Variants in CC2D2B observed in about 807,000 individuals in gnomAD.
The protein encoded by CC2D2B is coiled-coil and C2 domain containing 2B, also known as protein CC2D2B.
CC2D2B carries 128 observed loss-of-function variants against 161.2 expected under a neutral mutation model. That is an observed-to-expected ratio of 0.79 (90% CI 0.69 to 0.92). The LOEUF is 0.92. Ranked by LOEUF, CC2D2B falls within the 40% of genes least tolerant of loss-of-function variation. The pLI, the probability that CC2D2B is intolerant of heterozygous loss-of-function variation, is 0.00. For missense variants in CC2D2B, 1,173 were observed against 1,375.1 expected (o/e 0.85, Z 2.32); for synonymous variants, 391 against 449.8 (o/e 0.87, Z 1.65).
At chr10:95,990,958 A>T (rs2077930496) in intron 20 of CC2D2B, among the ~76,000 whole-genome samples, 1 of 152,240 alleles carries the variant, frequency 6.6e-6, no homozygotes, top group African/African-American at 2.4e-5. Flanking sequence ...AAATACAGAA[A>T]TGGGATCAAA....
At chr10:96,020,060 G>T (rs887661902) in intron 32 of CC2D2B, 9 of 390,726 alleles carry the variant, frequency 2.3e-5, no homozygotes, top group East Asian at 1.1e-4. Context: ...TGCTAAAATA[G>T]AATTTAAAAT....
chr10:96,019,987 C>CT (rs1260490680), intron 32 of CC2D2B, 163 bp downstream of exon 32: 1 of 537,006 alleles, frequency 1.9e-6, no homozygotes, highest in Non-Finnish European at 3.2e-6. Context: ...CTCACAGGCT[C>CT]TTTCCCCTAC....
At chr10:96,003,021 A>AATATATATATATATATATATATAT (rs57187442) in intron 24 of CC2D2B, among the ~76,000 whole-genome samples, 89 of 140,610 alleles carry the variant, frequency 6.3e-4, no homozygotes, top group Non-Finnish European at 6.4e-4. Context: ...AAAATAAATA[A>AATATATATATATATATATATATAT]ATATATATAT....
At chr10:95,992,862 T>A (rs2078009366) in intron 22 of CC2D2B, 165 bp downstream of exon 22, 2 of 426,938 alleles carry the variant, frequency 4.7e-6, no homozygotes, top group Admixed American at 4.4e-5. Flanking sequence ...CTACTGTCAA[T>A]GCCATGTATT....
At chr10:95,995,427 A>T (rs1256529365) in intron 23 of CC2D2B, 62 bp downstream of exon 23, 1 of 820,474 alleles carries the variant, frequency 1.2e-6, no homozygotes, top group East Asian at 3.0e-5. Context: ...ATTACAATTG[A>T]CTCTTAATTC....
At chr10:95,997,555 T>C (rs74402253) in intron 24 of CC2D2B, among the ~76,000 whole-genome samples, 7,319 of 152,106 alleles carry the variant, frequency 0.048, 265 homozygotes, top group Admixed American at 0.12. Flanking sequence ...ACCCAGCTAA[T>C]TTATTTTTAT....
intron 32 of CC2D2B, chr10:96,022,772 CAG>C (rs1267579066): frequency 6.6e-6 from 1 of 152,208 alleles, no homozygotes; most frequent in African/African-American, 2.4e-5. Context: ...GAGGAAGAAA[CAG>C]AAGGGAACAA....
chr10:95,947,274 G>A (rs1321999012), intron 9 of CC2D2B, among the ~76,000 whole-genome samples: 3 of 149,858 alleles, frequency 2.0e-5, no homozygotes, highest in Non-Finnish European at 3.0e-5. Context: ...CACCACTCCC[G>A]GCTAATTTTT....
chr10:95,982,343 G>A (rs2077559689), intron 18 of CC2D2B, among the ~76,000 whole-genome samples: 1 of 152,114 alleles, frequency 6.6e-6, no homozygotes, highest in Admixed American at 6.5e-5. Context: ...ATGGTCCTCT[G>A]CCACTACTTA....
In CC2D2B at chr10:95,928,723, CA is replaced by C. The variant is rs529048610; in HGVS notation, c.336+1394del. Among the ~76,000 whole-genome samples, 895 of 141,624 alleles carry C rather than the reference CA, an allele frequency of 6.3e-3. 9 individuals carry two copies. The highest frequency in any genetic ancestry group is 0.023 in the African/African-American group (847 of 37,342). The allele number at this position is 141,624 out of a possible 152,430, so 92.9% of individuals were successfully genotyped here. A position where few individuals can be genotyped will look rare whatever the true frequency, so the allele number is the denominator to read the frequency against. ...GTTTCCAGCTTCATCCATGTCCCTG[CA>C]AAGGACATGAACTCATCCTTTTTTG... On this transcript the variant is annotated intron_variant, in intron 6 of 34. Coordinates refer to ENST00000646931, the MANE Select transcript of CC2D2B (RefSeq NM_001349008.3).
At chr10:95,943,314 G>A (rs894844410) in intron 9 of CC2D2B, among the ~76,000 whole-genome samples, 7 of 152,118 alleles carry the variant, frequency 4.6e-5, no homozygotes, top group Middle Eastern at 3.4e-3. Flanking sequence ...CCACACAATC[G>A]CCAATGCTAT....
At chr10:95,912,934 C>T (rs1448197108) in intron 2 of CC2D2B, among the ~76,000 whole-genome samples, 1 of 152,056 alleles carries the variant, frequency 6.6e-6, no homozygotes, top group African/African-American at 2.4e-5. Flanking sequence ...TTATTCATTA[C>T]CTCAAGCATT....
At chr10:95,965,825 G>GTTTT (rs2141452385) in intron 12 of CC2D2B, 71 bp from the exon 13 acceptor site, 4 of 361,018 alleles carry the variant, frequency 1.1e-5, no homozygotes, top group Non-Finnish European at 1.9e-5. Context: ...GTGTGTGTTG[G>GTTTT]CAAAATCTCG....
rs889272400 is a variant in CC2D2B at position 95,966,265 on chromosome 10, T to C, written c.1429T>C (p.Phe477Leu). ...AATTACCTTGAGGCCACAACTTTCT[T>C]TCACTGCAGAATTAACAAGCTTATC... ...KPITLRPQLS[F>L]TAELTSLSKC... The change falls in exon 14 of 35, where the codon TTC (phenylalanine) becomes CTC (leucine). Residue 477 changes from phenylalanine to leucine, a missense_variant. Coordinates refer to ENST00000646931, the MANE Select transcript of CC2D2B (RefSeq NM_001349008.3). 2.5e-6 allele frequency: 3 copies of C among 1,222,790 alleles called. No individual in the cohort carries two copies. The African/African-American group carries it at 4.7e-5, about 19-fold the overall frequency. The allele number at this position is 1,222,790 out of a possible 1,614,324, so 75.7% of individuals were successfully genotyped here.
chr10:95,908,234 A>G (rs370781009), intron 1 of CC2D2B, among the ~76,000 whole-genome samples, 177 bp downstream of exon 1: 16 of 152,210 alleles, frequency 1.1e-4, no homozygotes, highest in African/African-American at 3.6e-4. Flanking sequence ...TTGTTAGCCA[A>G]TTTGGGAATG....
In CC2D2B at chr10:95,944,777, C is replaced by T. The variant is rs139935057; in HGVS notation, c.802-5119C>T. ...TTTAGTGCATCTGTTCTAGCTTCAT[C>T]CAAGCACAATTACAGGATTTCATGG... On this transcript the variant is annotated intron_variant, in intron 9 of 34. Transcript: ENST00000646931. 5.0e-3 allele frequency among the ~76,000 whole-genome samples: 768 copies of T among 152,240 alleles called. 5 individuals carry two copies. The highest frequency in any genetic ancestry group is 8.9e-3 in the Non-Finnish European group (607 of 68,008).
intron 29 of CC2D2B, among the ~76,000 whole-genome samples, chr10:96,015,518 TTCTC>T (rs897679859): frequency 5.9e-5 from 9 of 151,720 alleles, no homozygotes; most frequent in East Asian, 1.9e-4. Flanking sequence ...TAAGAAAATG[TTCTC>T]TCTTTTTTTG....
intron 30 of CC2D2B, among the ~76,000 whole-genome samples, chr10:96,018,130 G>C (rs2079285881): frequency 6.6e-6 from 1 of 152,156 alleles, no homozygotes; most frequent in South Asian, 2.1e-4. Context: ...TGGAGTGAAT[G>C]AAAGTGACAA....
chr10:95,909,606 C>G (rs187231765), intron 1 of CC2D2B, among the ~76,000 whole-genome samples: 16 of 152,080 alleles, frequency 1.1e-4, no homozygotes, highest in African/African-American at 3.6e-4. Flanking sequence ...TAACAAGAGC[C>G]AGGGGAAGAT....
Sources: allele counts gnomAD v4.1 joint callset (sites outside exome capture counted in the v4.1 genomes callset), GRCh38; gene constraint gnomAD v4.1.1; transcripts MANE v1.5; gene names NCBI Gene and HGNC (gene_info 2026-07-23, HGNC 2026-07-21).